The following PLEKHS1 variants were observed in gnomAD, a reference collection of about 807,000 sequenced individuals.
The protein encoded by PLEKHS1 is pleckstrin homology domain containing S1.
PLEKHS1 carries 55 observed loss-of-function variants against 51.0 expected under a neutral mutation model. The observed-to-expected ratio is 1.08, with a 90% CI of 0.87 to 1.35. PLEKHS1 has a LOEUF of 1.35. Among genes scored for constraint, PLEKHS1 ranks in the 40% most tolerant of loss-of-function variants. The pLI is 0.00. For missense variants in PLEKHS1, 398 were observed against 423.0 expected, an observed-to-expected ratio of 0.94 and a Z score of 0.52; for synonymous variants, 153 against 144.8, an observed-to-expected ratio of 1.06 and a Z score of -0.41.
chr10:113,768,953 C>G, intron 6 of PLEKHS1, 63 bp downstream of exon 6: 1 of 1,291,152 alleles, frequency 7.7e-7, no homozygotes, highest in Non-Finnish European at 1.1e-6. Flanking sequence ...CAATAGAAAA[C>G]AATGGTAGCT....
chr10:113,771,245 A>T (rs1421125780), intron 7 of PLEKHS1: 1 of 152,052 alleles, frequency 6.6e-6, no homozygotes, highest in African/African-American at 2.4e-5. Flanking sequence ...TGTGAACAGA[A>T]CACAAAAGAA....
Position 113,766,526 on chromosome 10 carries a change from C to A in PLEKHS1, c.117+27C>A, listed in dbSNP as rs371539556. On this transcript the variant is annotated intron_variant, in intron 3 of 11. Transcript: ENST00000361048. ...TAAGTATTTGCTGTGATTTAACAAG[C>A]CTCCCACCAGCCTCATGAGCATTTT... The A allele has an allele frequency of 3.8e-6, 6 of 1,579,194 alleles. No homozygotes were observed. The East Asian group carries it at 1.3e-4, about 35-fold the overall frequency.
intron 2 of PLEKHS1, among the ~76,000 whole-genome samples, chr10:113,764,661 T>G (rs1209811266): frequency 6.6e-6 from 1 of 152,182 alleles, no homozygotes; most frequent in Non-Finnish European, 1.5e-5. Flanking sequence ...ATTGTTAGCA[T>G]TATTACTTCA....
Position 113,774,790 on chromosome 10 carries a change from C to T in PLEKHS1, c.780-36C>T, listed in dbSNP as rs549284641. Reference sequence around the variant, plus strand: ...CAGGGGAACACTGTAAAAACACATGCTAAAATAGGGCTTGTTTTAACTTCT... The same window carrying T: ...CAGGGGAACACTGTAAAAACACATGTTAAAATAGGGCTTGTTTTAACTTCT... On this transcript the variant is annotated intron_variant, in intron 9 of 11. Coordinates refer to ENST00000361048, the Ensembl canonical transcript of PLEKHS1. 66 of 1,577,014 alleles carry T rather than the reference C, an allele frequency of 4.2e-5. No homozygotes were observed. In the South Asian group the frequency reaches 7.0e-4, roughly 17 times the overall value.
chr10:113,773,427 GATAA>G (rs139521980), intron 8 of PLEKHS1, among the ~76,000 whole-genome samples: 11 of 147,654 alleles, frequency 7.4e-5, no homozygotes, highest in South Asian at 2.1e-4. Context: ...AAAGACCAAA[GATAA>G]ATAAATAAAT....
At chr10:113,768,924 C>T (rs1285260168) in intron 6 of PLEKHS1, 34 bp downstream of exon 6, 4 of 1,515,110 alleles carry the variant, frequency 2.6e-6, no homozygotes, top group African/African-American at 1.4e-5. Context: ...TAACAGGGCA[C>T]CTGAACACAA....
At chr10:113,777,096 G>A (rs1193334362) in intron 11 of PLEKHS1, 28 bp from the exon 12 acceptor site, 5 of 1,610,666 alleles carry the variant, frequency 3.1e-6, no homozygotes, top group Admixed American at 1.7e-5. Flanking sequence ...GCCTCACACT[G>A]GTATTGGATG....
chr10:113,757,497 A>G (rs1436098244), intron 2 of PLEKHS1, among the ~76,000 whole-genome samples: 2 of 152,230 alleles, frequency 1.3e-5, no homozygotes, highest in Non-Finnish European at 2.9e-5. Context: ...GCATACCTTA[A>G]TTAAAGATAT....
At chr10:113,779,599 T>A in intron 11 of PLEKHS1, among the ~76,000 whole-genome samples, 1 of 149,460 alleles carries the variant, frequency 6.7e-6, no homozygotes, top group Non-Finnish European at 1.5e-5. Flanking sequence ...CCACATACAC[T>A]GGGGCCAAGT....
At chr10:113,765,044 C>T in intron 2 of PLEKHS1, 1 of 233,872 alleles carries the variant, frequency 4.3e-6, no homozygotes, top group South Asian at 1.3e-4. Flanking sequence ...CAGTTCTAGG[C>T]CTGTTTTGAT....
intron 2 of PLEKHS1, among the ~76,000 whole-genome samples, chr10:113,762,752 T>C (rs955082790): frequency 1.3e-5 from 2 of 152,026 alleles, no homozygotes; most frequent in Non-Finnish European, 2.9e-5. Flanking sequence ...TAATAAATGT[T>C]GCATGTGCCC....
chr10:113,752,000 G>A (rs1273741365), intron 1 of PLEKHS1, among the ~76,000 whole-genome samples: 1 of 152,158 alleles, frequency 6.6e-6, no homozygotes. Context: ...AAATGGGTCA[G>A]GCAGTGACTG....
At position 113,768,704 on chromosome 10, in the gene PLEKHS1, T is replaced by C. The variant is rs569274072; in HGVS notation, c.360-111T>C. ...AAGCTACTTAGGAAAAATTCTTATT[T>C]CGCTGGTACCTGCTCTCACCACCAT... On this transcript the variant is annotated intron_variant, in intron 5 of 11. Coordinates refer to ENST00000361048, the Ensembl canonical transcript of PLEKHS1. 3.1e-5 allele frequency: 24 copies of C among 785,458 alleles called. No homozygotes were observed. The South Asian group carries it at 4.5e-4, about 15-fold the overall frequency. The allele number at this position is 785,458 out of a possible 1,614,324, so 48.7% of individuals were successfully genotyped here.
At chr10:113,768,776 G>T in intron 5 of PLEKHS1, 39 bp from the exon 6 acceptor site, 3 of 1,522,170 alleles carry the variant, frequency 2.0e-6, no homozygotes, top group Non-Finnish European at 1.8e-6. Context: ...AGGCACTATT[G>T]TTGCCACATG....
At chr10:113,773,818 G>C (rs1336697515) in intron 8 of PLEKHS1, among the ~76,000 whole-genome samples, 3 of 152,152 alleles carry the variant, frequency 2.0e-5, no homozygotes, top group Non-Finnish European at 2.9e-5. Context: ...AGCCACTTGG[G>C]CTGCCTGTGA....
intron 8 of PLEKHS1, among the ~76,000 whole-genome samples, chr10:113,772,349 A>T (rs3763795): frequency 2.0e-5 from 3 of 152,066 alleles, no homozygotes; most frequent in Non-Finnish European, 4.4e-5. Context: ...TTCAAACAAA[A>T]GATCAGGAAG....
At chr10:113,774,751 A>T in intron 9 of PLEKHS1, 75 bp from the exon 10 acceptor site, 1 of 1,378,830 alleles carries the variant, frequency 7.3e-7, no homozygotes, top group Non-Finnish European at 1.0e-6. Flanking sequence ...TTAGCTACTT[A>T]AATCTGACAC....
chr10:113,778,017 T>C, intron 11 of PLEKHS1: 1 of 295,604 alleles, frequency 3.4e-6, no homozygotes, highest in Non-Finnish European at 6.5e-6. Context: ...AGACCACCCC[T>C]AATATTATAT....
rs1250245417 is a variant in PLEKHS1 at position 113,780,874 on chromosome 10, A to AC, written c.*278dup. 4.2e-6 allele frequency: 5 copies of AC among 1,188,228 alleles called. No individual in the cohort carries two copies. The African/African-American group carries it at 6.2e-5, about 15-fold the overall frequency. 73.6% of individuals were successfully genotyped at this position (1,188,228 alleles called of 1,614,324 possible). ...TGCCATGTGATAGGAGACAGTCGGC[A>AC]CCCCCCTCTGAATTTCTGCATCTGC... On this transcript the variant is annotated 3_prime_UTR_variant, in exon 12 of 12. Coordinates refer to ENST00000361048, the Ensembl canonical transcript of PLEKHS1.
Sources: gnomAD v4.1 joint callset for allele counts (sites outside exome capture counted in the v4.1 genomes callset) on GRCh38, gnomAD v4.1.1 for gene constraint, MANE v1.5 for transcripts, NCBI Gene and HGNC (gene_info 2026-07-23, HGNC 2026-07-21) for gene names.